The following SASH1 variants were observed in gnomAD, a reference collection of about 807,000 sequenced individuals.
SASH1 encodes SAM and SH3 domain containing 1.
SASH1 carries 44 observed loss-of-function variants against 125.2 expected under a neutral mutation model. The observed-to-expected ratio is 0.35, with a 90% confidence interval of 0.28 to 0.45. The LOEUF (loss-of-function observed/expected upper bound fraction) is 0.45, where lower values mean the gene tolerates loss of function less well. Among genes scored for constraint, SASH1 ranks in the 20% least tolerant of loss-of-function variants. The pLI is 1.00. For synonymous variants in SASH1, 639 were observed against 649.1 expected (o/e 0.98, Z 0.24); for missense variants, 1,426 against 1,614.5 (o/e 0.88, Z 2.00).
chr6:148,426,352 A>G (rs1387462267), intron 2 of SASH1, among the ~76,000 whole-genome samples: 2 of 152,194 alleles, frequency 1.3e-5, no homozygotes, highest in African/African-American at 2.4e-5. Context: ...TGCACTGGGC[A>G]GTTCCCTGCT....
chr6:148,391,210 A>T (rs977188909), intron 2 of SASH1, among the ~76,000 whole-genome samples: 40 of 151,818 alleles, frequency 2.6e-4, no homozygotes, highest in African/African-American at 9.0e-4. Context: ...CCCAGGTTCA[A>T]GTGATTCTCC....
At chr6:148,423,250 AAT>A (rs1436159789) in intron 2 of SASH1, among the ~76,000 whole-genome samples, 2 of 152,190 alleles carry the variant, frequency 1.3e-5, no homozygotes. Context: ...TGTGTTTTTT[AAT>A]GTGTTACATC....
the SASH1 span, among the ~76,000 whole-genome samples, chr6:148,254,017 A>G: frequency 6.6e-6 from 1 of 151,928 alleles, no homozygotes; most frequent in South Asian, 2.1e-4. Flanking sequence ...ATCAGCCTGG[A>G]CAACATGGTG....
chr6:148,268,175 T>C (rs2128501727), upstream of SASH1, among the ~76,000 whole-genome samples: 1 of 152,288 alleles, frequency 6.6e-6, no homozygotes, highest in East Asian at 1.9e-4. Context: ...TCAAACAATT[T>C]GGGATGCTAG....
At chr6:148,216,806 C>T in the SASH1 span, among the ~76,000 whole-genome samples, 1 of 152,090 alleles carries the variant, frequency 6.6e-6, no homozygotes, top group Non-Finnish European at 1.5e-5. Context: ...TCTCGGCTCA[C>T]TGCAACCTCC....
At chr6:148,467,662 C>T (rs1777909257) in intron 4 of SASH1, among the ~76,000 whole-genome samples, 1 of 152,160 alleles carries the variant, frequency 6.6e-6, no homozygotes. Context: ...TCTGGCTGGG[C>T]ACAGTGGCTC....
At chr6:148,357,692 A>G (rs1782000018) in intron 1 of SASH1, among the ~76,000 whole-genome samples, 1 of 152,138 alleles carries the variant, frequency 6.6e-6, no homozygotes, top group African/African-American at 2.4e-5. Flanking sequence ...ATGACTGTCC[A>G]CTTTGTTCTT....
intron 2 of SASH1, among the ~76,000 whole-genome samples, chr6:148,397,209 G>A (rs552616061): frequency 2.6e-5 from 4 of 152,140 alleles, no homozygotes; most frequent in African/African-American, 2.4e-5. Flanking sequence ...GTCCTGGCAC[G>A]GTGGCTCGTG....
chr6:148,351,403 A>G lies in SASH1; in HGVS notation c.156+8180A>G, dbSNP rs570297618. Reference sequence around the variant, plus strand: ...TCCTTGGGTGTCTGATGCAAGTTCCATTCATGGTTGATTTTGATGTTTCAT... The same window carrying G: ...TCCTTGGGTGTCTGATGCAAGTTCCGTTCATGGTTGATTTTGATGTTTCAT... On this transcript the variant is annotated intron_variant, in intron 1 of 19. Transcript: ENST00000367467. 1.6e-4 allele frequency among the ~76,000 whole-genome samples: 24 copies of G among 152,114 alleles called. No individual in the cohort carries two copies. In the East Asian group the frequency reaches 4.6e-3, roughly 29 times the overall value.
chr6:148,251,848 A>C, the SASH1 span, among the ~76,000 whole-genome samples: 2 of 99,062 alleles, frequency 2.0e-5, no homozygotes, highest in Non-Finnish European at 1.9e-5. Context: ...CCACCCCACA[A>C]CAGTCCCCAG....
the SASH1 span, among the ~76,000 whole-genome samples, chr6:148,233,246 G>A: frequency 6.6e-6 from 1 of 150,866 alleles, no homozygotes; most frequent in Non-Finnish European, 1.5e-5. Flanking sequence ...GTGAAGCACA[G>A]CCAAGGGTAG....
At chr6:148,257,084 G>A in the SASH1 span, among the ~76,000 whole-genome samples, 3 of 152,132 alleles carry the variant, frequency 2.0e-5, no homozygotes, top group African/African-American at 7.2e-5. Flanking sequence ...CAATACGGCT[G>A]TTAACAAAAA....
At chr6:148,245,649 GGTTT>G in the SASH1 span, among the ~76,000 whole-genome samples, 59 of 152,144 alleles carry the variant, frequency 3.9e-4, no homozygotes, top group African/African-American at 1.2e-3. Context: ...GTTTTGGTAC[GGTTT>G]GGTTTGGGTT....
the SASH1 span, among the ~76,000 whole-genome samples, chr6:148,213,627 C>G: frequency 6.9e-6 from 1 of 145,944 alleles, no homozygotes; most frequent in African/African-American, 2.4e-5. Flanking sequence ...TAAATCCTTA[C>G]AGTTCTTTTG....
At position 148,403,193 on chromosome 6, in the gene SASH1, T is replaced by C. The variant is rs139193281; in HGVS notation, c.285+12931T>C. On this transcript the variant is annotated intron_variant, in intron 2 of 19. Coordinates refer to ENST00000367467, the MANE Select transcript of SASH1 (RefSeq NM_015278.5). Reference sequence around the variant, plus strand: ...AGTTTGTGTTGACTTGATTTATAGATTAGTTTATGTCCTTGGGTAATATGA... The same window carrying C: ...AGTTTGTGTTGACTTGATTTATAGACTAGTTTATGTCCTTGGGTAATATGA... Among the ~76,000 whole-genome samples, 779 of 152,042 alleles carry C rather than the reference T, an allele frequency of 5.1e-3. 6 individuals carry two copies. The highest frequency in any genetic ancestry group is 0.018 in the African/African-American group (734 of 41,474).
chr6:148,478,423 C>G (rs1439598892), intron 7 of SASH1, among the ~76,000 whole-genome samples: 1 of 152,138 alleles, frequency 6.6e-6, no homozygotes, highest in African/African-American at 2.4e-5. Context: ...ATAATCCAGG[C>G]ACAGAAAGTC....
the SASH1 span, among the ~76,000 whole-genome samples, chr6:148,238,412 C>G: frequency 2.0e-5 from 3 of 152,000 alleles, no homozygotes; most frequent in Non-Finnish European, 4.4e-5. Flanking sequence ...TTAGTAGAGA[C>G]AGAGTTTCAT....
chr6:148,286,700 T>C (rs536616554), intron 1 of SASH1, among the ~76,000 whole-genome samples: 41 of 152,296 alleles, frequency 2.7e-4, no homozygotes, highest in African/African-American at 9.6e-4. Flanking sequence ...TCATACGGAT[T>C]AGAGCCCACC....
At chr6:148,447,200 C>T (rs1431605230) in intron 4 of SASH1, among the ~76,000 whole-genome samples, 1 of 152,144 alleles carries the variant, frequency 6.6e-6, no homozygotes. Flanking sequence ...GATTTAGTTT[C>T]ACTTTTTTTC....
Sources: gnomAD v4.1 joint callset for allele counts (sites outside exome capture counted in the v4.1 genomes callset) on GRCh38, gnomAD v4.1.1 for gene constraint, MANE v1.5 for transcripts, NCBI Gene and HGNC (gene_info 2026-07-23, HGNC 2026-07-21) for gene names.